BRIP1: variants seen among roughly 807,000 people sequenced by gnomAD.
BRIP1 encodes BRCA1 interacting DNA helicase 1, also known as Fanconi anemia group J protein.
In BRIP1, 88 loss-of-function variants were observed where a neutral mutation model predicts 119.7. That is an observed-to-expected ratio of 0.74 (90% CI 0.62 to 0.88). The LOEUF (loss-of-function observed/expected upper bound fraction) is 0.88, where lower values mean the gene tolerates loss of function less well. Among genes scored for constraint, BRIP1 ranks in the 40% least tolerant of loss-of-function variants. The pLI is 0.00. For missense variants in BRIP1, 1,259 were observed against 1,455.4 expected (o/e 0.87, Z 2.20); for synonymous variants, 443 against 496.5 (o/e 0.89, Z 1.43).
rs1469404798 is a variant in BRIP1, at chr17:61,693,525, G to A, written c.2493-13C>T. On this transcript the variant is annotated splice_polypyrimidine_tract_variant and intron_variant, in intron 17 of 19. Transcript: ENST00000259008. This position sits in a 1 kb window ranked among gnomAD's most constrained non-coding sequence, Gnocchi z 4.2. ...GTGTCTAATACATCTAGAAAAAATA[G>A]GGAAAAAGTCAAATAATTATAACAT... 1.3e-6 allele frequency: 2 copies of A among 1,590,920 alleles called. No homozygotes were observed. Among genetic ancestry groups the A allele is most frequent in the East Asian group, 2.2e-5 (1 of 44,694 alleles).
intron 14 of BRIP1, among the ~76,000 whole-genome samples, chr17:61,771,131 A>G: frequency 6.6e-6 from 1 of 152,258 alleles, no homozygotes; most frequent in East Asian, 1.9e-4. Context: ...AATGCTGAAC[A>G]TGGAAACATT....
At position 61,745,617 on chromosome 17, in the gene BRIP1, A is replaced by G. The variant is rs1392979823; in HGVS notation, c.2098-1026T>C. On this transcript the variant is annotated intron_variant, in intron 14 of 19. Transcript: ENST00000259008. This position sits in a 1 kb window ranked among gnomAD's most constrained non-coding sequence, Gnocchi z 4.4. ...CTTCTGGTCTCAAGGGATCCTCCAG[A>G]CTCAGCCTTCCACAGTGCTGAAATT... Among the ~76,000 whole-genome samples, 1 of 152,130 alleles carries G rather than the reference A, an allele frequency of 6.6e-6. No individual in the cohort carries two copies. Among genetic ancestry groups the G allele is most frequent in the African/African-American group, 2.4e-5 (1 of 41,432 alleles).
Position 61,683,350 on chromosome 17 carries a change from CT to C in BRIP1, c.3695del (p.Lys1232ArgfsTer22). The C allele has an allele frequency of 6.2e-7, 1 of 1,611,474 alleles. No individual in the cohort carries two copies. Among genetic ancestry groups the C allele is most frequent in the Non-Finnish European group, 8.5e-7 (1 of 1,178,400 alleles). On this transcript the variant is annotated frameshift_variant, in exon 20 of 20. Coordinates refer to ENST00000259008, the MANE Select transcript of BRIP1 (RefSeq NM_032043.3). LOFTEE classifies it high-confidence loss of function. The surrounding 1 kb of genome is among the most constrained non-coding windows in gnomAD (Gnocchi z 4.7). ...TTTTGGAAGGAGATGGTTTAAAGTT[CT>C]TTATTTCTATTTCATGAGTTTTTCC... is the stretch of plus-strand genomic sequence containing the variant. ...ELGKTHEIEI[K>X]NFKPSPSKNK...
chr17:61,849,036 C>T, intron 5 of BRIP1, 93 bp downstream of exon 5: 1 of 1,379,612 alleles, frequency 7.2e-7, no homozygotes, highest in Non-Finnish European at 1.0e-6. Flanking sequence ...CATGACCCAA[C>T]TAATCTCCAC....
At chr17:61,782,413 A>G (rs1373989987) in intron 11 of BRIP1, among the ~76,000 whole-genome samples, 3 of 151,682 alleles carry the variant, frequency 2.0e-5, no homozygotes, top group Non-Finnish European at 4.4e-5. Context: ...AAAGGAAAAG[A>G]AAACATAGGG....
At chr17:61,747,423 A>G (rs1039321747) in intron 14 of BRIP1, among the ~76,000 whole-genome samples, 3 of 152,182 alleles carry the variant, frequency 2.0e-5, no homozygotes, top group Non-Finnish European at 2.9e-5. Context: ...GGTTAAGGAA[A>G]AAAAAAAGAG....
Position 61,701,900 on chromosome 17 carries a change from A to G in BRIP1, c.2493-8388T>C, listed in dbSNP as rs1038184295. Among the ~76,000 whole-genome samples the G allele has an allele frequency of 5.3e-5, 8 of 152,216 alleles. No individual in the cohort carries two copies. The highest frequency in any genetic ancestry group is 1.3e-4 in the Admixed American group (2 of 15,296). ...CTCCAGACCTGTTTTGCTCCCTCCA[A>G]TGACTGTCAGGTTGTTGGCTTTCCT... On this transcript the variant is annotated intron_variant, in intron 17 of 19. Coordinates refer to ENST00000259008, the MANE Select transcript of BRIP1 (RefSeq NM_032043.3). This position sits in a 1 kb window ranked among gnomAD's most constrained non-coding sequence, Gnocchi z 5.1.
At position 61,824,122 on chromosome 17, in the gene BRIP1, G is replaced by A. The variant is rs1438055519; in HGVS notation, c.628-15365C>T. On this transcript the variant is annotated intron_variant, in intron 6 of 19. Transcript: ENST00000259008. The surrounding 1 kb of genome is among the most constrained non-coding windows in gnomAD (Gnocchi z 4.3). ...GAGCCACCATGCCCGGCCTAAGATAGAATTTTTAAAGCAGCCACAGATTAC... is the reference window on the plus strand; with the variant it reads ...GAGCCACCATGCCCGGCCTAAGATAAAATTTTTAAAGCAGCCACAGATTAC... Among the ~76,000 whole-genome samples, 1 of 152,076 alleles carries A rather than the reference G, an allele frequency of 6.6e-6. No individual in the cohort carries two copies. Among genetic ancestry groups the A allele is most frequent in the Non-Finnish European group, 1.5e-5 (1 of 68,004 alleles).
At chr17:61,712,904 A>T (rs1021123427) in intron 17 of BRIP1, among the ~76,000 whole-genome samples, 6 of 220 alleles carry the variant, frequency 0.027, no homozygotes, top group African/African-American at 0.037. Flanking sequence ...CTTCATCTCA[A>T]AAAAAAAAAA....
At chr17:61,797,030 T>C (rs1213071635) in intron 9 of BRIP1, among the ~76,000 whole-genome samples, 3 of 152,054 alleles carry the variant, frequency 2.0e-5, no homozygotes, top group Non-Finnish European at 1.5e-5. Flanking sequence ...AAAGCAATTC[T>C]GTTTTAGATG....
In BRIP1 at chr17:61,720,875, G is replaced by A. The variant is rs1408329315; in HGVS notation, c.2380-4812C>T. The stretch of plus-strand genomic sequence containing the variant: ...TCTTTTTTTTTTGAGACAGAGTCTC[G>A]CTCCATTGCCCAGGCTGGAGTGCAG... On this transcript the variant is annotated intron_variant, in intron 16 of 19. Transcript: ENST00000259008. The surrounding 1 kb of genome is among the most constrained non-coding windows in gnomAD (Gnocchi z 4.3). Among the ~76,000 whole-genome samples, 3 of 151,614 alleles carry A rather than the reference G, an allele frequency of 2.0e-5. No individual in the cohort carries two copies. The highest frequency in any genetic ancestry group is 2.1e-4 in the South Asian group (1 of 4,802).
At position 61,704,545 on chromosome 17, in the gene BRIP1, T is replaced by C. The variant is rs1162969973; in HGVS notation, c.2493-11033A>G. Among the ~76,000 whole-genome samples, 1 of 152,176 alleles carries C rather than the reference T, an allele frequency of 6.6e-6. No homozygotes were observed. Among genetic ancestry groups the C allele is most frequent in the African/African-American group, 2.4e-5 (1 of 41,462 alleles). On this transcript the variant is annotated intron_variant, in intron 17 of 19. Coordinates refer to ENST00000259008, the MANE Select transcript of BRIP1 (RefSeq NM_032043.3). The surrounding 1 kb of genome is among the most constrained non-coding windows in gnomAD (Gnocchi z 5.7). ...ATTTTTTAGAAGAGATCTTGTAAAATTTATGTTATTTCTTCTTTAAATGTT... is the reference window on the plus strand; with the variant it reads ...ATTTTTTAGAAGAGATCTTGTAAAACTTATGTTATTTCTTCTTTAAATGTT...
chr17:61,797,228 G>A (rs749650808), intron 9 of BRIP1, among the ~76,000 whole-genome samples: 1 of 151,602 alleles, frequency 6.6e-6, no homozygotes, highest in Non-Finnish European at 1.5e-5. Context: ...AAGAAACTAG[G>A]TCCCAGTACC....
intron 6 of BRIP1, among the ~76,000 whole-genome samples, chr17:61,812,184 C>A (rs1472419950): frequency 6.6e-6 from 1 of 152,040 alleles, no homozygotes; most frequent in Non-Finnish European, 1.5e-5. Context: ...ACTTTATGGC[C>A]TCTCTCTGAA....
rs75131552 is a variant in BRIP1, at chr17:61,728,329, AC to A, written c.2380-12267del. 4.9e-3 allele frequency among the ~76,000 whole-genome samples: 733 copies of A among 148,190 alleles called. 4 individuals carry two copies. The highest frequency in any genetic ancestry group is 8.6e-3 in the African/African-American group (353 of 40,826). The stretch of plus-strand genomic sequence containing the variant: ...TCAATAAGTCAAAAAAAAAAAAAAA[AC>A]CCCAGACATTTCTTTTTCCCTCACC... On this transcript the variant is annotated intron_variant, in intron 16 of 19. Transcript: ENST00000259008.
Position 61,725,876 on chromosome 17 carries a change from C to A in BRIP1, c.2380-9813G>T, listed in dbSNP as rs1279076341. Among the ~76,000 whole-genome samples, 1 of 152,224 alleles carries A rather than the reference C, an allele frequency of 6.6e-6. No individual in the cohort carries two copies. The highest frequency in any genetic ancestry group is 1.5e-5 in the Non-Finnish European group (1 of 68,042). ...TCCTGGCCTCAAACAATCCTCCTGT[C>A]TTGGCCTCCCAAAGCTGTGGGATTA... On this transcript the variant is annotated intron_variant, in intron 16 of 19. Transcript: ENST00000259008. This position sits in a 1 kb window ranked among gnomAD's most constrained non-coding sequence, Gnocchi z 5.3.
intron 17 of BRIP1, among the ~76,000 whole-genome samples, chr17:61,697,056 A>T (rs1357205062): frequency 1.3e-5 from 2 of 149,670 alleles, no homozygotes; most frequent in Non-Finnish European, 3.0e-5. Context: ...TTATACATCT[A>T]TTCAGATATT....
chr17:61,721,856 C>A (rs551348870), intron 16 of BRIP1, among the ~76,000 whole-genome samples: 29 of 151,426 alleles, frequency 1.9e-4, no homozygotes, highest in Non-Finnish European at 4.0e-4. Flanking sequence ...CGCCACCATG[C>A]CCAGCTAATT....
rs746203289 is a variant in BRIP1, at chr17:61,816,796, GGGCGGGTA to G, written c.628-8047_628-8040del. 1.3e-4 allele frequency among the ~76,000 whole-genome samples: 20 copies of G among 152,186 alleles called. No homozygotes were observed. The highest frequency in any genetic ancestry group is 3.9e-4 in the Admixed American group (6 of 15,274). ...ACTCAAACGAGCAAAATGGGGAAGT[GGGCGGGTA>G]GGCGGAAAATATCTTCTTTAAATAA... On this transcript the variant is annotated intron_variant, in intron 6 of 19. Coordinates refer to ENST00000259008, the MANE Select transcript of BRIP1 (RefSeq NM_032043.3). The surrounding 1 kb of genome is among the most constrained non-coding windows in gnomAD (Gnocchi z 5.0).
Sources: gnomAD v4.1 joint callset for allele counts (sites outside exome capture counted in the v4.1 genomes callset) on GRCh38, gnomAD v4.1.1 for gene constraint, Gnocchi (gnomAD v3.1) non-coding constraint, MANE v1.5 for transcripts, NCBI Gene and HGNC (gene_info 2026-07-23, HGNC 2026-07-21) for gene names.